Variants in ZNF740 observed in about 807,000 individuals in gnomAD.
ZNF740 encodes zinc finger protein 740.
A neutral mutation model predicts 24.8 loss-of-function variants in ZNF740; 14 were observed. The observed-to-expected ratio is 0.56, with a 90% CI of 0.37 to 0.88. ZNF740 has a LOEUF of 0.88. ZNF740 is among the 40% of genes least tolerant of loss of function. ZNF740 has a pLI of 0.00. For missense variants in ZNF740, 201 were observed against 247.9 expected, an observed-to-expected ratio of 0.81 and a Z score of 1.27; for synonymous variants, 69 against 84.0, an observed-to-expected ratio of 0.82 and a Z score of 0.98.
At chr12:53,186,209 G>T in intron 5 of ZNF740, 132 bp downstream of exon 5, 1 of 1,308,498 alleles carries the variant, frequency 7.6e-7, no homozygotes. Flanking sequence ...AGTCAATGAA[G>T]CAGAGAGATT....
intron 6 of ZNF740, 126 bp from the exon 7 acceptor site, chr12:53,187,375 T>C (rs1344171696): frequency 2.7e-6 from 2 of 753,896 alleles, no homozygotes; most frequent in Non-Finnish European, 4.6e-6. Flanking sequence ...CACCGTGTGC[T>C]CCTGCTGTCT....
At chr12:53,182,198 A>T in intron 2 of ZNF740, 1 of 643,126 alleles carries the variant, frequency 1.6e-6, no homozygotes. Context: ...GAGGTAGGCT[A>T]TACTGCATCA....
At chr12:53,186,111 A>G (rs1334938153) in intron 5 of ZNF740, 34 bp downstream of exon 5, 11 of 1,602,232 alleles carry the variant, frequency 6.9e-6, no homozygotes, top group Non-Finnish European at 8.5e-6. Context: ...AAGGGGGAGA[A>G]TAGTCTATCG....
intron 6 of ZNF740, 123 bp downstream of exon 6, chr12:53,186,632 C>T (rs548565061): frequency 5.2e-5 from 36 of 698,772 alleles, no homozygotes; most frequent in African/African-American, 8.9e-5. Flanking sequence ...GTTAACACAT[C>T]GGGGTGAAGT....
chr12:53,183,877 A>G (rs1206640354), intron 2 of ZNF740, among the ~76,000 whole-genome samples: 2 of 152,002 alleles, frequency 1.3e-5, no homozygotes, highest in African/African-American at 2.4e-5. Flanking sequence ...AAAAAAAAAT[A>G]GCCGGGTGTG....
In ZNF740 at chr12:53,189,118, T is replaced by G. The variant is rs1941881040; in HGVS notation, c.*1528T>G. ...AGGGCTTTTGTTTTGGAGGGTTTTT[T>G]TTTTTAAGATGAATTCAACAGCCTG... is the stretch of plus-strand genomic sequence containing the variant. On this transcript the variant is annotated 3_prime_UTR_variant, in exon 7 of 7. Coordinates refer to ENST00000416904, the MANE Select transcript of ZNF740 (RefSeq NM_001004304.4). 1 of 152,066 alleles carries G rather than the reference T, an allele frequency of 6.6e-6. No individual in the cohort carries two copies. Among genetic ancestry groups the G allele is most frequent in the Non-Finnish European group, 1.5e-5 (1 of 67,986 alleles). 9.4% of individuals were successfully genotyped at this position (152,066 alleles called of 1,614,324 possible).
chr12:53,187,471 T>C (rs1264777493), intron 6 of ZNF740, 30 bp from the exon 7 acceptor site: 2 of 1,600,396 alleles, frequency 1.2e-6, no homozygotes, highest in Non-Finnish European at 1.7e-6. Flanking sequence ...GTTTGTCTGC[T>C]CAGGCACTTA....
intron 2 of ZNF740, among the ~76,000 whole-genome samples, chr12:53,182,656 A>G (rs775935852): frequency 5.9e-5 from 9 of 152,140 alleles, no homozygotes; most frequent in Non-Finnish European, 1.0e-4. Context: ...AAGGAACAGC[A>G]TGGGCAGGAG....
rs1276031589 is a variant in ZNF740, at chr12:53,181,953, A to G, written c.-31A>G. On this transcript the variant is annotated 5_prime_UTR_variant, in exon 2 of 7. Transcript: ENST00000416904. Reference sequence around the variant, plus strand: ...GAAAGGTGGACCTAGGAACTCCTGAACTTTTGGGTTGCCTTAAGTGAGAAA... The same window carrying G: ...GAAAGGTGGACCTAGGAACTCCTGAGCTTTTGGGTTGCCTTAAGTGAGAAA... 1 of 1,603,696 alleles carries G rather than the reference A, an allele frequency of 6.2e-7. No individual in the cohort carries two copies. Among genetic ancestry groups the G allele is most frequent in the Non-Finnish European group, 8.5e-7 (1 of 1,174,768 alleles).
At chr12:53,183,593 TTAAG>T (rs1379464859) in intron 2 of ZNF740, among the ~76,000 whole-genome samples, 2 of 152,270 alleles carry the variant, frequency 1.3e-5, no homozygotes, top group African/African-American at 2.4e-5. Flanking sequence ...CATACCTTAC[TTAAG>T]TAATTGTTTA....
At position 53,193,076 on chromosome 12, in the gene ZNF740, C is replaced by T. The variant is rs935570346; in HGVS notation, c.*5486C>T. ...ATTTGCCTTCCATGCCAGGAGATTC[C>T]CAGAGCCTAAGTGCCTTGGGAAGGC... On this transcript the variant is annotated 3_prime_UTR_variant, in exon 7 of 7. Coordinates refer to ENST00000416904, the MANE Select transcript of ZNF740 (RefSeq NM_001004304.4). 4.7e-6 allele frequency: 7 copies of T among 1,481,648 alleles called. No individual in the cohort carries two copies. The highest frequency in any genetic ancestry group is 6.5e-6 in the Non-Finnish European group (7 of 1,077,584). 91.8% of individuals were successfully genotyped at this position (1,481,648 alleles called of 1,614,324 possible).
Position 53,180,767 on chromosome 12 carries a change from T to G in ZNF740, c.-378T>G. The G allele has an allele frequency of 7.9e-7, 1 of 1,272,348 alleles. No individual in the cohort carries two copies. Among genetic ancestry groups the G allele is most frequent in the Non-Finnish European group, 1.0e-6 (1 of 981,684 alleles). The allele number at this position is 1,272,348 out of a possible 1,614,324, so 78.8% of individuals were successfully genotyped here. On this transcript the variant is annotated 5_prime_UTR_variant, in exon 1 of 7. Coordinates refer to ENST00000416904, the MANE Select transcript of ZNF740 (RefSeq NM_001004304.4). The stretch of plus-strand genomic sequence containing the variant: ...GTGGGGGCAGCCGCGGCGGTGGGGT[T>G]GGCAGGGTGTGCTGGGGCCTGGAGG...
At position 53,186,414 on chromosome 12, in the gene ZNF740, A is replaced by G. The variant is rs745748201; in HGVS notation, c.397A>G (p.Ile133Val). The change falls in exon 6 of 7, where the codon ATA becomes GTA. Residue 133 changes from isoleucine to valine, a missense_variant. Ile to Val is a conservative substitution (Grantham distance 29, BLOSUM62 3). Coordinates refer to ENST00000416904, the MANE Select transcript of ZNF740 (RefSeq NM_001004304.4). The part of the protein sequence containing the change: ...HTGEKPFECD[I>V]CDMRFIQKYH... ...AGGTGAGAAGCCATTTGAATGCGAT[A>G]TATGTGATATGCGTTTCATCCAGAA... 3 of 1,584,686 alleles carry G rather than the reference A, an allele frequency of 1.9e-6. No individual in the cohort carries two copies. The highest frequency in any genetic ancestry group is 2.7e-5 in the African/African-American group (2 of 74,544).
At chr12:53,186,597 G>A in intron 6 of ZNF740, 88 bp downstream of exon 6, 1 of 1,059,780 alleles carries the variant, frequency 9.4e-7, no homozygotes, top group East Asian at 2.6e-5. Context: ...TGACAAAAGA[G>A]CCACCAGCGT....
chr12:53,194,154 C>T lies in ZNF740; in HGVS notation c.*6564C>T, dbSNP rs1481362796. ...TCCTGCCTGCTTAATTTCCCACTCC[C>T]ACCTCCCCCTGCCCGCCTTCTGCCT... On this transcript the variant is annotated 3_prime_UTR_variant, in exon 7 of 7. Coordinates refer to ENST00000416904, the MANE Select transcript of ZNF740 (RefSeq NM_001004304.4). The T allele has an allele frequency of 6.2e-7, 1 of 1,611,742 alleles. No homozygotes were observed. The highest frequency in any genetic ancestry group is 2.2e-5 in the East Asian group (1 of 44,828).
At chr12:53,184,823 A>G in intron 2 of ZNF740, 68 bp from the exon 3 acceptor site, 1 of 1,543,554 alleles carries the variant, frequency 6.5e-7, no homozygotes, top group Middle Eastern at 1.7e-4. Context: ...GTAGTTCTAT[A>G]GAGGATGGCA....
In ZNF740 at chr12:53,193,274, T is replaced by A. The variant is rs781134923; in HGVS notation, c.*5684T>A. ...TCCACTGCACAGGGGCCCTGTGCCA[T>A]TGGGAGCCCGGCACCCAGATTCCAG... is the stretch of plus-strand genomic sequence containing the variant. On this transcript the variant is annotated 3_prime_UTR_variant, in exon 7 of 7. Transcript: ENST00000416904. The A allele has an allele frequency of 6.2e-7, 1 of 1,613,720 alleles. No homozygotes were observed. The highest frequency in any genetic ancestry group is 8.5e-7 in the Non-Finnish European group (1 of 1,179,710).
In ZNF740 at chr12:53,194,483, G is replaced by A. The variant is rs568452112; in HGVS notation, c.*6893G>A. On this transcript the variant is annotated 3_prime_UTR_variant, in exon 7 of 7. Coordinates refer to ENST00000416904, the MANE Select transcript of ZNF740 (RefSeq NM_001004304.4). ...GGGGCTCCTTCCATTCTGCCCAGTC[G>A]AGGCATTTCTGGAGGGAGGACCCGT... is the stretch of plus-strand genomic sequence containing the variant. 9 of 797,382 alleles carry A rather than the reference G, an allele frequency of 1.1e-5. No homozygotes were observed. The Admixed American group carries it at 1.5e-4, about 13-fold the overall frequency. 49.4% of individuals were successfully genotyped at this position (797,382 alleles called of 1,614,324 possible).
chr12:53,193,254 T>G lies in ZNF740; in HGVS notation c.*5664T>G. The G allele has an allele frequency of 1.2e-6, 2 of 1,614,114 alleles. No individual in the cohort carries two copies. The highest frequency in any genetic ancestry group is 1.7e-6 in the Non-Finnish European group (2 of 1,179,982). Reference sequence around the variant, plus strand: ...CCACATTGACAGTGACCCTTTCCACTGCACAGGGGCCCTGTGCCATTGGGA... The same window carrying G: ...CCACATTGACAGTGACCCTTTCCACGGCACAGGGGCCCTGTGCCATTGGGA... On this transcript the variant is annotated 3_prime_UTR_variant, in exon 7 of 7. Coordinates refer to ENST00000416904, the MANE Select transcript of ZNF740 (RefSeq NM_001004304.4).
Sources: gnomAD v4.1 joint callset for allele counts (sites outside exome capture counted in the v4.1 genomes callset) on GRCh38, gnomAD v4.1.1 for gene constraint, MANE v1.5 for transcripts, NCBI Gene and HGNC (gene_info 2026-07-23, HGNC 2026-07-21) for gene names.